FHIT: variants seen among roughly 807,000 people sequenced by gnomAD.
FHIT encodes fragile histidine triad diadenosine triphosphatase, also known as bis(5'-adenosyl)-triphosphatase.
A neutral mutation model predicts 17.9 loss-of-function variants in FHIT; 19 were observed. That is an observed-to-expected ratio of 1.06 (90% CI 0.74 to 1.56). FHIT has a LOEUF of 1.56. Ranked by LOEUF, FHIT falls within the 40% of genes most tolerant of loss-of-function variation. The pLI is 0.00. For synonymous variants in FHIT, 81 were observed against 69.7 expected (o/e 1.16, Z -0.81); for missense variants, 248 against 189.2 (o/e 1.31, Z -1.82).
chr3:60,618,752 G>T (rs1301590404), intron 4 of FHIT, among the ~76,000 whole-genome samples: 1 of 152,126 alleles, frequency 6.6e-6, no homozygotes, highest in Non-Finnish European at 1.5e-5. Context: ...TCATCTGAGT[G>T]GACCTAATAT....
chr3:60,061,942 A>G (rs761529724), intron 5 of FHIT, among the ~76,000 whole-genome samples: 6 of 152,156 alleles, frequency 3.9e-5, no homozygotes, highest in Non-Finnish European at 8.8e-5. Context: ...CATGGAAAAG[A>G]GCAAGAAATG....
chr3:60,368,125 G>T (rs1700183576), intron 5 of FHIT, among the ~76,000 whole-genome samples: 1 of 150,534 alleles, frequency 6.6e-6, no homozygotes, highest in Non-Finnish European at 1.5e-5. Context: ...AACTTCTGTG[G>T]ATACATACTT....
intron 5 of FHIT, among the ~76,000 whole-genome samples, chr3:60,375,347 T>C (rs1453814450): frequency 1.3e-5 from 2 of 150,296 alleles, no homozygotes; most frequent in Admixed American, 6.6e-5. Context: ...GGTGGGAGGA[T>C]CACCTGAGTT....
At chr3:60,544,466 A>C (rs1206518774) in intron 4 of FHIT, among the ~76,000 whole-genome samples, 1 of 152,096 alleles carries the variant, frequency 6.6e-6, no homozygotes, top group Non-Finnish European at 1.5e-5. Context: ...AAAAATAATA[A>C]TTCACTATTC....
At chr3:60,748,522 CAT>C (rs1453444268) in intron 4 of FHIT, among the ~76,000 whole-genome samples, 17 of 152,080 alleles carry the variant, frequency 1.1e-4, no homozygotes, top group Middle Eastern at 3.2e-3. Flanking sequence ...TAATTTAAAT[CAT>C]ATCTAGGCCA....
intron 2 of FHIT, among the ~76,000 whole-genome samples, chr3:61,082,567 T>C (rs755373787): frequency 6.6e-6 from 1 of 152,202 alleles, no homozygotes; most frequent in Non-Finnish European, 1.5e-5. Context: ...GTATATCTAG[T>C]AGAAGTGAAA....
chr3:60,016,712 A>G (rs369838360), intron 5 of FHIT, among the ~76,000 whole-genome samples: 4 of 152,316 alleles, frequency 2.6e-5, no homozygotes, highest in East Asian at 3.9e-4. Flanking sequence ...TCAGGGTGTT[A>G]GATAAACTTT....
intron 5 of FHIT, among the ~76,000 whole-genome samples, chr3:60,282,993 C>A (rs1258321261): frequency 6.6e-6 from 1 of 152,022 alleles, no homozygotes; most frequent in African/African-American, 2.4e-5. Context: ...ACTGGAAAGA[C>A]TAGAGAGCAG....
intron 5 of FHIT, among the ~76,000 whole-genome samples, chr3:60,240,129 A>T (rs930704060): frequency 3.3e-5 from 5 of 152,192 alleles, no homozygotes; most frequent in Non-Finnish European, 5.9e-5. Context: ...TTTCAATATC[A>T]ATATGCATCT....
chr3:60,027,649 A>G (rs1206091557), intron 5 of FHIT, among the ~76,000 whole-genome samples: 1 of 148,514 alleles, frequency 6.7e-6, no homozygotes, highest in Non-Finnish European at 1.5e-5. Flanking sequence ...TTCTATAAGG[A>G]AAAAAAACCA....
At chr3:61,149,919 C>T (rs999748329) in intron 2 of FHIT, among the ~76,000 whole-genome samples, 13 of 152,056 alleles carry the variant, frequency 8.5e-5, no homozygotes, top group Non-Finnish European at 1.8e-4. Flanking sequence ...GCAGAGAAAA[C>T]TGGTAAAAAC....
At chr3:60,712,166 C>A (rs1210773834) in intron 4 of FHIT, among the ~76,000 whole-genome samples, 1 of 152,020 alleles carries the variant, frequency 6.6e-6, no homozygotes, top group Admixed American at 6.6e-5. Context: ...TCATATCCAG[C>A]CAAACAAACT....
chr3:61,016,385 G>A (rs1376842609), intron 3 of FHIT, among the ~76,000 whole-genome samples: 3 of 152,180 alleles, frequency 2.0e-5, no homozygotes, highest in African/African-American at 7.2e-5. Flanking sequence ...AGTAAAATAA[G>A]AGAGTAGAAC....
intron 3 of FHIT, among the ~76,000 whole-genome samples, chr3:60,883,410 C>T (rs1395670250): frequency 6.6e-6 from 1 of 152,064 alleles, no homozygotes; most frequent in Non-Finnish European, 1.5e-5. Flanking sequence ...ATAGCCAAAG[C>T]AATCCCCAGC....
chr3:59,897,778 T>C (rs1194719172), intron 8 of FHIT, among the ~76,000 whole-genome samples: 1 of 151,860 alleles, frequency 6.6e-6, no homozygotes, highest in African/African-American at 2.4e-5. Context: ...TTTTCTTTTT[T>C]TTTTTTGAGA....
intron 2 of FHIT, among the ~76,000 whole-genome samples, chr3:61,095,368 G>C (rs1285570354): frequency 1.3e-5 from 2 of 152,110 alleles, no homozygotes; most frequent in Admixed American, 6.5e-5. Flanking sequence ...TGTTGTGCTT[G>C]ACTGTGCATT....
At chr3:60,798,699 C>A (rs965697422) in intron 4 of FHIT, among the ~76,000 whole-genome samples, 14 of 137,940 alleles carry the variant, frequency 1.0e-4, no homozygotes, top group Admixed American at 6.8e-4. Flanking sequence ...TCCATTGACT[C>A]TAATTTAGAC....
chr3:59,771,732 G>A (rs1702082719), intron 8 of FHIT, among the ~76,000 whole-genome samples: 1 of 152,138 alleles, frequency 6.6e-6, no homozygotes, highest in Admixed American at 6.5e-5. Flanking sequence ...ACGTGCACAA[G>A]CTCACACTCA....
intron 3 of FHIT, among the ~76,000 whole-genome samples, chr3:60,863,028 A>G (rs1703990886): frequency 6.6e-6 from 1 of 152,134 alleles, no homozygotes; most frequent in Non-Finnish European, 1.5e-5. Flanking sequence ...TTGTAAAAAC[A>G]TAAGTGGAAG....
Sources: allele counts gnomAD v4.1 joint callset (sites outside exome capture counted in the v4.1 genomes callset), GRCh38; gene constraint gnomAD v4.1.1; transcripts MANE v1.5; gene names NCBI Gene and HGNC (gene_info 2026-07-23, HGNC 2026-07-21).